Variants in APBB2 observed in about 807,000 individuals in gnomAD.
APBB2 encodes Fe65-like 1.
Under a neutral mutation model 82.5 loss-of-function variants are expected in APBB2, and 38 were observed. That is an observed-to-expected ratio of 0.46 (90% CI 0.36 to 0.60). APBB2 has a LOEUF of 0.60. APBB2 is among the 20% of genes least tolerant of loss of function. The probability of loss-of-function intolerance (pLI) is 0.00; values close to 1 mark genes in which losing one functional copy is unlikely to be tolerated. For synonymous variants in APBB2, 341 were observed against 368.2 expected (o/e 0.93, Z 0.85); for missense variants, 772 against 972.3 (o/e 0.79, Z 2.74).
intron 10 of APBB2, among the ~76,000 whole-genome samples, chr4:40,916,814 G>A (rs1417581404): frequency 7.9e-5 from 12 of 152,194 alleles, no homozygotes; most frequent in African/African-American, 2.4e-4. Flanking sequence ...AGAAGCAACC[G>A]CAGGTGAGAT....
intron 1 of APBB2, among the ~76,000 whole-genome samples, chr4:41,153,023 C>G (rs1033248488): frequency 6.6e-6 from 1 of 152,184 alleles, no homozygotes; most frequent in Non-Finnish European, 1.5e-5. Context: ...CTATGCCTTC[C>G]TAATCCAAAA....
At chr4:40,988,122 G>A (rs898667879) in intron 6 of APBB2, among the ~76,000 whole-genome samples, 1 of 152,188 alleles carries the variant, frequency 6.6e-6, no homozygotes, top group South Asian at 2.1e-4. Flanking sequence ...ATGACTAAGT[G>A]ACTATGCCCC....
chr4:40,890,178 A>T, intron 12 of APBB2, 186 bp downstream of exon 12: 1 of 707,196 alleles, frequency 1.4e-6, no homozygotes, highest in Non-Finnish European at 2.2e-6. Context: ...TACAGAAACC[A>T]GGAAGGGAAG....
intron 10 of APBB2, among the ~76,000 whole-genome samples, chr4:40,908,062 G>C (rs1777540221): frequency 6.6e-6 from 1 of 151,740 alleles, no homozygotes; most frequent in Non-Finnish European, 1.5e-5. Context: ...TGTGGTGTGT[G>C]TGTGGCATAT....
chr4:40,907,384 T>A (rs1270583109), intron 10 of APBB2, among the ~76,000 whole-genome samples: 726 of 56,954 alleles, frequency 0.013, 2 homozygotes, highest in South Asian at 0.027. Flanking sequence ...TATATATTTT[T>A]TTTTTTTTTT....
chr4:41,086,921 CA>C (rs1423544751), intron 3 of APBB2, among the ~76,000 whole-genome samples: 1 of 308 alleles, frequency 3.2e-3, no homozygotes. Flanking sequence ...TTAAAAATTC[CA>C]CACACACACA....
At chr4:40,919,531 G>A (rs895667722) in intron 10 of APBB2, among the ~76,000 whole-genome samples, 3 of 152,158 alleles carry the variant, frequency 2.0e-5, no homozygotes, top group African/African-American at 4.8e-5. Flanking sequence ...ATGACATACT[G>A]TAAAACACTG....
chr4:40,901,937 G>GTGTGTGTT (rs1425086916), intron 10 of APBB2, among the ~76,000 whole-genome samples: 1 of 151,584 alleles, frequency 6.6e-6, no homozygotes, highest in African/African-American at 2.4e-5. Context: ...GTGTGTGTGT[G>GTGTGTGTT]TGTGTGATGG....
At chr4:40,917,018 G>A (rs1158151633) in intron 10 of APBB2, among the ~76,000 whole-genome samples, 1 of 152,194 alleles carries the variant, frequency 6.6e-6, no homozygotes, top group Non-Finnish European at 1.5e-5. Context: ...GCTTCCTCAA[G>A]TGGCCAGGGC....
chr4:41,209,346 G>GA (rs948604576), intron 1 of APBB2, among the ~76,000 whole-genome samples: 7 of 151,848 alleles, frequency 4.6e-5, no homozygotes, highest in Non-Finnish European at 8.8e-5. Flanking sequence ...CAAGAAAAAA[G>GA]AAAAAAAAGC....
chr4:41,004,084 T>A (rs186204036), intron 6 of APBB2, among the ~76,000 whole-genome samples: 3,853 of 151,358 alleles, frequency 0.025, 83 homozygotes, highest in African/African-American at 0.056. Flanking sequence ...TTTTTTTTTT[T>A]TAATTTTTAT....
At chr4:41,109,453 G>A (rs990405350) in intron 2 of APBB2, among the ~76,000 whole-genome samples, 8 of 151,898 alleles carry the variant, frequency 5.3e-5, no homozygotes, top group African/African-American at 1.9e-4. Context: ...ACCACGCCCA[G>A]CTAATTTTTG....
At chr4:40,816,317 T>C (rs1343850225) in intron 17 of APBB2, 58 bp from the exon 18 acceptor site, 15 of 1,590,268 alleles carry the variant, frequency 9.4e-6, no homozygotes, top group Non-Finnish European at 1.3e-5. Flanking sequence ...TCATCTTTAA[T>C]ATGACTTTAA....
chr4:40,876,461 C>CT (rs1231309418), intron 12 of APBB2, among the ~76,000 whole-genome samples: 1 of 152,116 alleles, frequency 6.6e-6, no homozygotes, highest in Non-Finnish European at 1.5e-5. Context: ...CACACACTAC[C>CT]TTTTTTTCTG....
At chr4:40,863,927 G>A (rs1174403105) in intron 12 of APBB2, among the ~76,000 whole-genome samples, 4 of 143,324 alleles carry the variant, frequency 2.8e-5, no homozygotes, top group Non-Finnish European at 4.6e-5. Context: ...GCAAGCCAGG[G>A]AGTTGTGGAC....
chr4:41,060,953 A>T (rs1729598187), intron 4 of APBB2, among the ~76,000 whole-genome samples: 1 of 152,240 alleles, frequency 6.6e-6, no homozygotes, highest in African/African-American at 2.4e-5. Flanking sequence ...GGTAATAAAA[A>T]TAAGGAGCAG....
chr4:40,891,122 C>T (rs1425664646), intron 11 of APBB2, among the ~76,000 whole-genome samples: 3 of 152,206 alleles, frequency 2.0e-5, no homozygotes, highest in Non-Finnish European at 2.9e-5. Flanking sequence ...TCCCAGTTAG[C>T]AGCTGGGGAA....
At chr4:40,960,447 G>GTT (rs34445427) in intron 6 of APBB2, among the ~76,000 whole-genome samples, 1 of 138,976 alleles carries the variant, frequency 7.2e-6, no homozygotes, top group Non-Finnish European at 1.5e-5. Flanking sequence ...TTTTTTTCGG[G>GTT]TTTTTTTTTT....
At chr4:41,094,490 C>T (rs1292798484) in intron 3 of APBB2, among the ~76,000 whole-genome samples, 1 of 152,224 alleles carries the variant, frequency 6.6e-6, no homozygotes. Context: ...TGTATAACTG[C>T]AACTGAAGCT....
Sources: gnomAD v4.1 joint callset for allele counts (sites outside exome capture counted in the v4.1 genomes callset) on GRCh38, gnomAD v4.1.1 for gene constraint, MANE v1.5 for transcripts, NCBI Gene and HGNC (gene_info 2026-07-23, HGNC 2026-07-21) for gene names.